ZBTB20: variants seen among roughly 807,000 people sequenced by gnomAD.
The protein encoded by ZBTB20 is zinc finger and BTB domain-containing protein 20.
In ZBTB20, 9 loss-of-function variants were observed where a neutral mutation model predicts 56.9. The ratio of observed to expected loss-of-function variants is 0.16; its 90% CI spans 0.10 to 0.28. The LOEUF is 0.28. Ranked by LOEUF, ZBTB20 falls within the 10% of genes least tolerant of loss-of-function variation. ZBTB20 has a pLI of 1.00. For missense variants in ZBTB20, 655 were observed against 1,003.0 expected, an observed-to-expected ratio of 0.65 and a Z score of 4.69; for synonymous variants, 417 against 420.7, an observed-to-expected ratio of 0.99 and a Z score of 0.11.
At chr3:115,097,793 C>T (rs190739992) in intron 1 of ZBTB20, among the ~76,000 whole-genome samples, 9 of 152,272 alleles carry the variant, frequency 5.9e-5, no homozygotes, top group African/African-American at 2.2e-4. Flanking sequence ...TAACGCAAGC[C>T]TTTCAGCTTT....
intron 3 of ZBTB20, among the ~76,000 whole-genome samples, chr3:114,907,330 T>C (rs963451132): frequency 2.0e-4 from 30 of 151,906 alleles, no homozygotes; most frequent in African/African-American, 7.2e-4. Context: ...ACTTAGTTGC[T>C]TTCAGTATTC....
chr3:114,945,895 A>G (rs78611737), intron 3 of ZBTB20, among the ~76,000 whole-genome samples: 4,911 of 145,240 alleles, frequency 0.034, 492 homozygotes, highest in African/African-American at 0.052. Flanking sequence ...ATACATTATA[A>G]TATCAGTCTA....
At position 114,975,818 on chromosome 3, in the gene ZBTB20, C is replaced by T. The variant is rs111651371; in HGVS notation, c.-506-1402G>A. On this transcript the variant is annotated intron_variant, in intron 2 of 11. Coordinates refer to ENST00000675478, the MANE Select transcript of ZBTB20 (RefSeq NM_001348800.3). ...ACTACATGATATATTACAAAAGTTA[C>T]TTTTATTAATTTATTACCTGTCTCT... 4.2e-3 allele frequency among the ~76,000 whole-genome samples: 635 copies of T among 152,220 alleles called. 6 individuals carry two copies. Among genetic ancestry groups the T allele is most frequent in the African/African-American group, 0.014 (593 of 41,526 alleles).
rs182087302 is a variant in ZBTB20 at position 114,938,285 on chromosome 3, C to A, written c.-456+36081G>T. On this transcript the variant is annotated intron_variant, in intron 3 of 11. Coordinates refer to ENST00000675478, the MANE Select transcript of ZBTB20 (RefSeq NM_001348800.3). ...AGAAACTCTTTAGTTTAATTAGATC[C>A]CATTTGTCATTTTGGCTTTTGTTGC... Among the ~76,000 whole-genome samples the A allele has an allele frequency of 4.4e-4, 64 of 145,936 alleles. 2 individuals carry two copies. In the East Asian group the frequency reaches 0.011, roughly 26 times the overall value.
chr3:114,689,442 G>A (rs1483941804), intron 6 of ZBTB20, among the ~76,000 whole-genome samples: 1 of 152,050 alleles, frequency 6.6e-6, no homozygotes, highest in African/African-American at 2.4e-5. Flanking sequence ...GAGCTTAACT[G>A]GGGGAAAGGA....
intron 1 of ZBTB20, among the ~76,000 whole-genome samples, chr3:115,074,873 C>A (rs2082538750): frequency 6.6e-6 from 1 of 152,050 alleles, no homozygotes; most frequent in Non-Finnish European, 1.5e-5. Context: ...TTTTTACTCA[C>A]CTCTACCTTT....
chr3:114,799,956 A>G (rs1228495845), intron 5 of ZBTB20, among the ~76,000 whole-genome samples: 1 of 151,946 alleles, frequency 6.6e-6, no homozygotes, highest in Admixed American at 6.6e-5. Context: ...GAGTGCAATG[A>G]ACTACAGTGA....
At chr3:114,876,060 C>T (rs1036589112) in intron 4 of ZBTB20, among the ~76,000 whole-genome samples, 8 of 151,980 alleles carry the variant, frequency 5.3e-5, no homozygotes, top group Non-Finnish European at 8.8e-5. Flanking sequence ...ACAGCAAGAT[C>T]CCCATCTCTA....
chr3:114,674,355 C>T (rs932959942), intron 6 of ZBTB20, among the ~76,000 whole-genome samples: 2 of 152,128 alleles, frequency 1.3e-5, no homozygotes, highest in Non-Finnish European at 2.9e-5. Context: ...GGGTCTTGGA[C>T]AAGTTTTAAT....
rs1053028250 is a variant in ZBTB20, at chr3:114,329,737, A to C, written c.*9268T>G. On this transcript the variant is annotated 3_prime_UTR_variant, in exon 12 of 12. Transcript: ENST00000675478. ...AAAAAAAAAAAAAAAAAAAAAAAAA[A>C]CAACTCCCAGGAAAATGAACACTAT... 2 of 132,060 alleles carry C rather than the reference A, an allele frequency of 1.5e-5. No individual in the cohort carries two copies. The highest frequency in any genetic ancestry group is 3.4e-5 in the Non-Finnish European group (2 of 58,412). 8.2% of individuals were successfully genotyped at this position (132,060 alleles called of 1,614,324 possible). A position where few individuals can be genotyped will look rare whatever the true frequency, so the allele number is the denominator to read the frequency against.
chr3:114,381,013 C>T, intron 8 of ZBTB20, 73 bp from the exon 9 acceptor site: 1 of 334,708 alleles, frequency 3.0e-6, no homozygotes. Context: ...TCATGGACTA[C>T]ATTAAGGAAC....
chr3:114,742,719 T>G (rs147387678), intron 5 of ZBTB20, among the ~76,000 whole-genome samples: 223 of 152,180 alleles, frequency 1.5e-3, no homozygotes, highest in African/African-American at 4.9e-3. Flanking sequence ...AGGCCAGTGG[T>G]TTTTTAACCC....
At chr3:115,051,267 C>T (rs1379769506) in intron 2 of ZBTB20, among the ~76,000 whole-genome samples, 1 of 151,852 alleles carries the variant, frequency 6.6e-6, no homozygotes, top group African/African-American at 2.4e-5. Flanking sequence ...TTACTAATGC[C>T]TTGTGGGAAC....
chr3:115,088,214 T>C (rs777980429), intron 1 of ZBTB20, among the ~76,000 whole-genome samples: 6 of 151,926 alleles, frequency 3.9e-5, no homozygotes, highest in Non-Finnish European at 8.8e-5. Flanking sequence ...TGTTTTAATT[T>C]CTACATCTGA....
At chr3:115,145,275 A>T (rs1576845082) in intron 1 of ZBTB20, among the ~76,000 whole-genome samples, 1 of 152,342 alleles carries the variant, frequency 6.6e-6, no homozygotes, top group East Asian at 1.9e-4. Flanking sequence ...CTAGAAAAAT[A>T]CAGATTCTTC....
At chr3:114,641,012 T>C (rs558305059) in intron 6 of ZBTB20, among the ~76,000 whole-genome samples, 3 of 152,188 alleles carry the variant, frequency 2.0e-5, no homozygotes, top group African/African-American at 7.2e-5. Flanking sequence ...ATTTACTCGG[T>C]GTGCAAATTT....
At chr3:114,347,503 C>A (rs1259300700) in intron 11 of ZBTB20, among the ~76,000 whole-genome samples, 1 of 152,046 alleles carries the variant, frequency 6.6e-6, no homozygotes, top group Non-Finnish European at 1.5e-5. Flanking sequence ...TTTATCACTT[C>A]CACTGGGCTC....
At chr3:114,573,581 GAAAAAGA>G (rs1368605751) in intron 6 of ZBTB20, among the ~76,000 whole-genome samples, 7 of 149,488 alleles carry the variant, frequency 4.7e-5, no homozygotes, top group Non-Finnish European at 1.0e-4. Flanking sequence ...AGAGAAAAAG[GAAAAAGA>G]AAAAAGAAAA....
Position 114,661,904 on chromosome 3 carries a change from C to CT in ZBTB20, c.-295+31623dup, listed in dbSNP as rs929789618. Among the ~76,000 whole-genome samples, 21 of 148,772 alleles carry CT rather than the reference C, an allele frequency of 1.4e-4. No individual in the cohort carries two copies. In the South Asian group the frequency reaches 2.1e-3, roughly 15 times the overall value. On this transcript the variant is annotated intron_variant, in intron 6 of 11. Coordinates refer to ENST00000675478, the MANE Select transcript of ZBTB20 (RefSeq NM_001348800.3). ...TCTCTGAGATTAGGATTTTGCTTCT[C>CT]TTTTTTTTTTTAATTATACTTTAAG...
Sources: allele counts gnomAD v4.1 joint callset (sites outside exome capture counted in the v4.1 genomes callset), GRCh38; gene constraint gnomAD v4.1.1; transcripts MANE v1.5; gene names NCBI Gene and HGNC (gene_info 2026-07-23, HGNC 2026-07-21).